Variants in NLGN4X observed in about 807,000 individuals in gnomAD.
NLGN4X encodes the protein neuroligin-4, X-linked.
Under a neutral mutation model 40.3 loss-of-function variants are expected in NLGN4X, and 3 were observed. That is an observed-to-expected ratio of 0.07 (90% confidence interval 0.03 to 0.19). NLGN4X has a LOEUF of 0.19. Ranked by LOEUF, NLGN4X falls within the 10% of genes least tolerant of loss-of-function variation. The pLI is 1.00. For synonymous variants in NLGN4X, 270 were observed against 306.8 expected (o/e 0.88, Z 1.25); for missense variants, 382 against 708.3 (o/e 0.54, Z 5.23).
intron 1 of NLGN4X, among the ~76,000 whole-genome samples, chrX:6,228,166 ACATCACAC>A (rs1926553382): frequency 1.8e-5 from 2 of 111,852 alleles, no homozygotes; most frequent in South Asian, 7.5e-4. Context: ...CTTTGTAAAC[ACATCACAC>A]ACGGCCCCAG....
intron 1 of NLGN4X, chrX:6,186,633 G>A (rs1056811743): frequency 7.2e-5 from 8 of 111,483 alleles, no homozygotes; most frequent in Non-Finnish European, 1.5e-4. Context: ...AAGGATAAAG[G>A]AAGTCTAAAG....
chrX:5,961,070 C>T (rs1284009321), intron 3 of NLGN4X, among the ~76,000 whole-genome samples: 1 of 110,566 alleles, frequency 9.0e-6, no homozygotes, highest in Non-Finnish European at 1.9e-5. Context: ...CTCTGTCGCC[C>T]AGGCTGGAGT....
At chrX:5,899,605 G>T in intron 5 of NLGN4X, among the ~76,000 whole-genome samples, 1 of 111,169 alleles carries the variant, frequency 9.0e-6, no homozygotes, top group Admixed American at 9.5e-5. Flanking sequence ...TGATGTCTTG[G>T]TAAAAGCGTC....
intron 2 of NLGN4X, among the ~76,000 whole-genome samples, chrX:6,121,099 G>A (rs752697446): frequency 1.2e-3 from 136 of 109,192 alleles, no homozygotes; most frequent in African/African-American, 4.4e-3. Flanking sequence ...AAGGGCTAAG[G>A]CCTCTAAAAA....
intron 2 of NLGN4X, among the ~76,000 whole-genome samples, chrX:6,037,072 G>A: frequency 9.0e-6 from 1 of 111,093 alleles, no homozygotes; most frequent in Non-Finnish European, 1.9e-5. Context: ...CAACACTTTG[G>A]GACGTCGAGG....
At chrX:6,119,785 C>A (rs893910533) in intron 2 of NLGN4X, among the ~76,000 whole-genome samples, 1 of 110,704 alleles carries the variant, frequency 9.0e-6, no homozygotes, top group African/African-American at 3.3e-5. Context: ...CTTTACAGAG[C>A]GAGCAAATGT....
chrX:5,939,178 T>C (rs1468586237), intron 3 of NLGN4X, among the ~76,000 whole-genome samples: 1 of 110,799 alleles, frequency 9.0e-6, no homozygotes, highest in Admixed American at 9.7e-5. Context: ...GAAAGAGGAG[T>C]ACCTCAGCCA....
At chrX:6,175,646 T>C (rs1442762517) in intron 1 of NLGN4X, among the ~76,000 whole-genome samples, 1 of 61,368 alleles carries the variant, frequency 1.6e-5, no homozygotes, top group African/African-American at 8.3e-5. Flanking sequence ...TATATCATTA[T>C]CTATTACAGA....
chrX:5,975,537 C>G (rs1035265750), intron 3 of NLGN4X, among the ~76,000 whole-genome samples: 1 of 103,430 alleles, frequency 9.7e-6, no homozygotes, highest in Non-Finnish European at 1.9e-5. Flanking sequence ...TGCTTGAACC[C>G]GGGAGATGGA....
intron 3 of NLGN4X, among the ~76,000 whole-genome samples, chrX:5,930,545 T>G (rs761514297): frequency 8.9e-6 from 1 of 112,310 alleles, no homozygotes; most frequent in South Asian, 3.7e-4. Context: ...CAGAAACAAC[T>G]ATAACCCAAA....
chrX:5,943,378 G>C (rs1320357067), intron 3 of NLGN4X, among the ~76,000 whole-genome samples: 1 of 111,843 alleles, frequency 8.9e-6, no homozygotes, highest in East Asian at 2.8e-4. Context: ...CCAACACACA[G>C]AAATCACCCT....
chrX:6,185,547 G>A (rs756314641), intron 1 of NLGN4X, among the ~76,000 whole-genome samples: 7 of 111,779 alleles, frequency 6.3e-5, no homozygotes, highest in East Asian at 2.8e-4. Context: ...CCAAGGAAGC[G>A]TACTGAGTCA....
intron 2 of NLGN4X, among the ~76,000 whole-genome samples, chrX:6,127,884 G>A (rs1454176062): frequency 8.9e-6 from 1 of 112,003 alleles, no homozygotes; most frequent in African/African-American, 3.2e-5. Flanking sequence ...TAAAACTAAT[G>A]GTTTTGTTTC....
At chrX:6,221,391 T>TTTTATA (rs1491106130) in intron 1 of NLGN4X, among the ~76,000 whole-genome samples, 57 of 53,343 alleles carry the variant, frequency 1.1e-3, no homozygotes, top group African/African-American at 3.8e-3. Context: ...CCTTCTTATA[T>TTTTATA]TATATATATA....
At chrX:6,218,645 A>G (rs981830872) in intron 1 of NLGN4X, among the ~76,000 whole-genome samples, 6 of 112,144 alleles carry the variant, frequency 5.4e-5, no homozygotes, top group African/African-American at 1.6e-4. Flanking sequence ...GTACTCAACA[A>G]GTTTTGAATA....
At chrX:5,904,777 T>A (rs951522924) in intron 4 of NLGN4X, among the ~76,000 whole-genome samples, 1 of 112,131 alleles carries the variant, frequency 8.9e-6, no homozygotes, top group African/African-American at 3.2e-5. Flanking sequence ...TTTCCGTGAA[T>A]CCCAGCCCGA....
At chrX:6,047,593 C>T (rs2037360206) in intron 2 of NLGN4X, among the ~76,000 whole-genome samples, 1 of 112,353 alleles carries the variant, frequency 8.9e-6, no homozygotes, top group South Asian at 3.7e-4. Context: ...CTTGCAGAGG[C>T]TGTTATTTCC....
At chrX:6,203,267 G>A (rs997184882) in intron 1 of NLGN4X, among the ~76,000 whole-genome samples, 3 of 112,105 alleles carry the variant, frequency 2.7e-5, no homozygotes, top group Non-Finnish European at 5.6e-5. Flanking sequence ...AACACTTGCT[G>A]TACCTATGTG....
intron 2 of NLGN4X, among the ~76,000 whole-genome samples, chrX:6,049,596 C>A (rs1424564838): frequency 9.2e-6 from 1 of 109,070 alleles, no homozygotes; most frequent in Non-Finnish European, 1.9e-5. Context: ...TCACAGAAAC[C>A]TTAAATTACA....
Sources: gnomAD v4.1 joint callset for allele counts (sites outside exome capture counted in the v4.1 genomes callset) on GRCh38, gnomAD v4.1.1 for gene constraint, MANE v1.5 for transcripts, NCBI Gene and HGNC (gene_info 2026-07-23, HGNC 2026-07-21) for gene names.